The following CSMD1 variants were observed in gnomAD, a reference collection of about 807,000 sequenced individuals.
The protein encoded by CSMD1 is CUB and sushi domain-containing protein 1.
CSMD1 carries 213 observed loss-of-function variants against 417.5 expected under a neutral mutation model. The ratio of observed to expected loss-of-function variants is 0.51; its 90% CI spans 0.46 to 0.57. The LOEUF is 0.57. Ranked by LOEUF, CSMD1 falls within the 20% of genes least tolerant of loss-of-function variation. The probability of loss-of-function intolerance (pLI) is 0.00; values close to 1 mark genes in which losing one functional copy is unlikely to be tolerated. For missense variants in CSMD1, 6,923 were observed against 4,529.7 expected (o/e 1.53, Z -15.17); for synonymous variants, 2,862 against 1,736.8 (o/e 1.65, Z -16.11).
chr8:4,641,649 A>G (rs1803197773), intron 1 of CSMD1, among the ~76,000 whole-genome samples: 1 of 152,200 alleles, frequency 6.6e-6, no homozygotes, highest in Non-Finnish European at 1.5e-5. Flanking sequence ...CACCAAACCC[A>G]GTTATATCTC....
At chr8:3,937,590 A>C (rs145142800) in intron 5 of CSMD1, among the ~76,000 whole-genome samples, 1 of 152,102 alleles carries the variant, frequency 6.6e-6, no homozygotes, top group Non-Finnish European at 1.5e-5. Flanking sequence ...TATAACTTTA[A>C]TATGCACTGG....
chr8:4,407,551 T>C (rs1350409844), intron 3 of CSMD1, among the ~76,000 whole-genome samples: 2 of 152,210 alleles, frequency 1.3e-5, no homozygotes, highest in Admixed American at 1.3e-4. Flanking sequence ...CTTGTGCTAA[T>C]TTCATATAGT....
intron 1 of CSMD1, among the ~76,000 whole-genome samples, chr8:4,951,896 G>A (rs1311910679): frequency 6.6e-6 from 1 of 151,370 alleles, no homozygotes; most frequent in African/African-American, 2.4e-5. Context: ...AAATATTAAT[G>A]ACATTTTATT....
chr8:3,705,175 T>C (rs117051428), intron 7 of CSMD1, among the ~76,000 whole-genome samples: 5 of 150,626 alleles, frequency 3.3e-5, no homozygotes, highest in Admixed American at 2.0e-4. Context: ...GGGGAAGGAG[T>C]CGCCACTGAG....
intron 2 of CSMD1, among the ~76,000 whole-genome samples, chr8:4,631,235 G>A (rs1802492365): frequency 6.6e-6 from 1 of 152,068 alleles, no homozygotes; most frequent in South Asian, 2.1e-4. Context: ...GGTGGCATGT[G>A]CCTGTAGTCC....
intron 3 of CSMD1, among the ~76,000 whole-genome samples, chr8:4,397,374 T>G (rs1237984612): frequency 6.6e-6 from 1 of 152,020 alleles, no homozygotes; most frequent in Non-Finnish European, 1.5e-5. Context: ...AAAGATATAA[T>G]CTTAAGTGGA....
chr8:3,773,930 G>A (rs370129711), intron 5 of CSMD1, among the ~76,000 whole-genome samples: 1 of 152,034 alleles, frequency 6.6e-6, no homozygotes, highest in African/African-American at 2.4e-5. Flanking sequence ...TGAGTAATTT[G>A]CATGACATTG....
intron 1 of CSMD1, among the ~76,000 whole-genome samples, chr8:4,948,178 C>A (rs984225518): frequency 1.1e-4 from 17 of 151,922 alleles, no homozygotes; most frequent in African/African-American, 4.1e-4. Context: ...TTTATTTTTA[C>A]CTCTCGCTAT....
intron 5 of CSMD1, among the ~76,000 whole-genome samples, chr8:3,886,598 C>G (rs1440100086): frequency 1.3e-5 from 2 of 152,148 alleles, no homozygotes; most frequent in Non-Finnish European, 2.9e-5. Context: ...TCCAAAGTCC[C>G]TGGAGTCAGA....
At chr8:3,436,845 T>C (rs1814597954) in intron 12 of CSMD1, among the ~76,000 whole-genome samples, 5 of 152,174 alleles carry the variant, frequency 3.3e-5, no homozygotes, top group Admixed American at 6.5e-5. Flanking sequence ...TGCTAATATG[T>C]TATGATTCGG....
At chr8:4,029,477 T>C (rs1247462365) in intron 4 of CSMD1, among the ~76,000 whole-genome samples, 1 of 152,090 alleles carries the variant, frequency 6.6e-6, no homozygotes, top group East Asian at 1.9e-4. Flanking sequence ...AAACACCCAT[T>C]TTTAAAACCA....
chr8:3,762,449 A>C (rs1798058862), intron 5 of CSMD1, among the ~76,000 whole-genome samples: 2 of 152,176 alleles, frequency 1.3e-5, no homozygotes, highest in Admixed American at 1.3e-4. Flanking sequence ...GACATTTTCA[A>C]AATAGTAATG....
intron 33 of CSMD1, among the ~76,000 whole-genome samples, chr8:3,199,188 G>A (rs888406786): frequency 6.6e-6 from 1 of 152,084 alleles, no homozygotes; most frequent in Non-Finnish European, 1.5e-5. Context: ...AGGTGTAAAA[G>A]TACCCAAAGT....
At chr8:3,620,949 G>A (rs996025906) in intron 7 of CSMD1, among the ~76,000 whole-genome samples, 1 of 152,288 alleles carries the variant, frequency 6.6e-6, no homozygotes, top group East Asian at 1.9e-4. Context: ...TTTGGAGATA[G>A]AGACTTTAAA....
Position 3,927,488 on chromosome 8 carries a change from G to C in CSMD1, c.818+70415C>G, listed in dbSNP as rs546439870. ...GGGACCACCCTGGCCAACATGGTGA[G>C]ACCCCATCTCTACTAAAAATACAAA... is the stretch of plus-strand genomic sequence containing the variant. On this transcript the variant is annotated intron_variant, in intron 5 of 69. Coordinates refer to ENST00000635120, the MANE Select transcript of CSMD1 (RefSeq NM_033225.6). 7.2e-5 allele frequency among the ~76,000 whole-genome samples: 11 copies of C among 151,792 alleles called. No individual in the cohort carries two copies. The East Asian group carries it at 1.4e-3, about 19-fold the overall frequency.
At chr8:3,637,931 A>C (rs1797128070) in intron 7 of CSMD1, among the ~76,000 whole-genome samples, 2 of 152,226 alleles carry the variant, frequency 1.3e-5, no homozygotes, top group Non-Finnish European at 2.9e-5. Context: ...CCGCCATGTA[A>C]GACATGACTT....
chr8:3,114,099 C>G (rs915614806), intron 42 of CSMD1, among the ~76,000 whole-genome samples: 2 of 151,944 alleles, frequency 1.3e-5, no homozygotes, highest in African/African-American at 4.8e-5. Flanking sequence ...CATTAATTAT[C>G]CATGCATGCG....
chr8:3,314,019 GA>G lies in CSMD1; in HGVS notation c.3632-5517del, dbSNP rs1263942501. On this transcript the variant is annotated intron_variant, in intron 23 of 69. Coordinates refer to ENST00000635120, the MANE Select transcript of CSMD1 (RefSeq NM_033225.6). ...ATCATTCTCAGCAAACTATCACAAG[GA>G]CAAAAAACCAAACACCTCATGTTCT... is the stretch of plus-strand genomic sequence containing the variant. 4.6e-5 allele frequency among the ~76,000 whole-genome samples: 7 copies of G among 151,704 alleles called. No individual in the cohort carries two copies. In the East Asian group the frequency reaches 1.4e-3, roughly 30 times the overall value.
At chr8:3,565,089 T>C (rs1173670073) in intron 10 of CSMD1, among the ~76,000 whole-genome samples, 3 of 65,898 alleles carry the variant, frequency 4.6e-5, no homozygotes, top group African/African-American at 1.8e-4. Flanking sequence ...AAAATAAATA[T>C]TGAAAAAAAA....
Sources: allele counts gnomAD v4.1 joint callset (sites outside exome capture counted in the v4.1 genomes callset), GRCh38; gene constraint gnomAD v4.1.1; transcripts MANE v1.5; gene names NCBI Gene and HGNC (gene_info 2026-07-23, HGNC 2026-07-21).